Variants in SLCO3A1 observed in about 807,000 individuals in gnomAD.
The protein encoded by SLCO3A1 is PGE1 transporter.
SLCO3A1 carries 27 observed loss-of-function variants against 63.1 expected under a neutral mutation model. That is an observed-to-expected ratio of 0.43 (90% CI 0.32 to 0.59). The LOEUF (loss-of-function observed/expected upper bound fraction) is 0.59, where lower values mean the gene tolerates loss of function less well. Ranked by LOEUF, SLCO3A1 falls within the 20% of genes least tolerant of loss-of-function variation. SLCO3A1 has a pLI of 0.09. For missense variants in SLCO3A1, 773 were observed against 945.8 expected (o/e 0.82, Z 2.40); for synonymous variants, 473 against 409.9 (o/e 1.15, Z -1.86).
Position 92,164,717 on chromosome 15 carries a change from G to C in SLCO3A1, c.*1582G>C. ...GTGTTAGTCTTGAACTAAGGCCCTT[G>C]TCTGTGTGTTTTGAAGGTGGGTGAA... On this transcript the variant is annotated 3_prime_UTR_variant, in exon 10 of 10. Coordinates refer to ENST00000318445, the MANE Select transcript of SLCO3A1 (RefSeq NM_013272.4). 14 of 985,414 alleles carry C rather than the reference G, an allele frequency of 1.4e-5. No homozygotes were observed. Among genetic ancestry groups the C allele is most frequent in the Non-Finnish European group, 1.7e-5 (14 of 829,928 alleles). The allele number at this position is 985,414 out of a possible 1,614,324, so 61.0% of individuals were successfully genotyped here. A position where few individuals can be genotyped will look rare whatever the true frequency, so the allele number is the denominator to read the frequency against.
chr15:92,161,088 G>C (rs1333289009), intron 9 of SLCO3A1, among the ~76,000 whole-genome samples: 1 of 152,156 alleles, frequency 6.6e-6, no homozygotes, highest in Non-Finnish European at 1.5e-5. Flanking sequence ...CCAGACAGAG[G>C]TATAGAGGCC....
chr15:91,916,187 G>A lies in SLCO3A1; in HGVS notation c.375G>A (p.Leu125=). The stretch of plus-strand genomic sequence containing the variant: ...CGCTGGGCGCGCTGCTGTCGGCGCT[G>A]CCCGAGTTCCTGACCCACCAGTACA... The part of the protein sequence containing the change: ...VMALGALLSA[L]PEFLTHQYKY... Residue 125 remains leucine (L), a synonymous_variant, in exon 2 of 10, where the codon CTG becomes CTA. Transcript: ENST00000318445. This position sits in a 1 kb window ranked among gnomAD's most constrained non-coding sequence, Gnocchi z 6.2. 6.3e-7 allele frequency: 1 copy of A among 1,596,906 alleles called. No homozygotes were observed.
rs959334561 is a variant in SLCO3A1 at position 91,926,007 on chromosome 15, G to C, written c.646+9549G>C. On this transcript the variant is annotated intron_variant, in intron 2 of 9. Transcript: ENST00000318445. ...TGCTTCCCTCTTGAGGTATAACCAAGCATCTTTGAATAGGGATAGAGTCCA... is the reference window on the plus strand; with the variant it reads ...TGCTTCCCTCTTGAGGTATAACCAACCATCTTTGAATAGGGATAGAGTCCA... 3.3e-5 allele frequency among the ~76,000 whole-genome samples: 5 copies of C among 152,198 alleles called. No homozygotes were observed. The South Asian group carries it at 8.3e-4, about 25-fold the overall frequency.
At chr15:91,936,714 T>C (rs1209603482) in intron 2 of SLCO3A1, among the ~76,000 whole-genome samples, 1 of 152,136 alleles carries the variant, frequency 6.6e-6, no homozygotes, top group Non-Finnish European at 1.5e-5. Flanking sequence ...TTCTCCAAGG[T>C]GAAGGCTGAG....
At chr15:91,888,326 T>C (rs374555185) in intron 1 of SLCO3A1, among the ~76,000 whole-genome samples, 2 of 152,328 alleles carry the variant, frequency 1.3e-5, no homozygotes, top group Non-Finnish European at 1.5e-5. Flanking sequence ...GGCTCTCTTA[T>C]TACATCCTGA....
intron 7 of SLCO3A1, among the ~76,000 whole-genome samples, chr15:92,134,268 G>A (rs538996553): frequency 3.3e-5 from 5 of 152,336 alleles, no homozygotes; most frequent in African/African-American, 1.2e-4. Context: ...TGATTTAAAA[G>A]TCTGTACTTA....
chr15:91,966,401 C>T (rs1022775702), intron 2 of SLCO3A1, among the ~76,000 whole-genome samples: 1 of 152,170 alleles, frequency 6.6e-6, no homozygotes, highest in African/African-American at 2.4e-5. Context: ...GGCCTGTGTA[C>T]AAGTTCCCAC....
Position 91,962,419 on chromosome 15 carries a change from C to T in SLCO3A1, c.646+45961C>T, listed in dbSNP as rs141468898. On this transcript the variant is annotated intron_variant, in intron 2 of 9. Coordinates refer to ENST00000318445, the MANE Select transcript of SLCO3A1 (RefSeq NM_013272.4). Reference sequence around the variant, plus strand: ...ACTTGAACCCAGGAGACAGAGGTTGCGGTGAACTGAGATCGCGCCATTGCA... The same window carrying T: ...ACTTGAACCCAGGAGACAGAGGTTGTGGTGAACTGAGATCGCGCCATTGCA... Among the ~76,000 whole-genome samples, 738 of 131,930 alleles carry T rather than the reference C, an allele frequency of 5.6e-3. 26 individuals carry two copies. The Admixed American group carries it at 0.056, about 10-fold the overall frequency. 86.6% of individuals were successfully genotyped at this position (131,930 alleles called of 152,430 possible).
chr15:92,114,784 C>G (rs1309735841), intron 4 of SLCO3A1, among the ~76,000 whole-genome samples: 1 of 152,070 alleles, frequency 6.6e-6, no homozygotes, highest in Non-Finnish European at 1.5e-5. Context: ...GATTCAAGTC[C>G]CCACAAAATA....
At chr15:91,858,984 G>A (rs117600532) in intron 1 of SLCO3A1, among the ~76,000 whole-genome samples, 1,830 of 152,318 alleles carry the variant, frequency 0.012, 13 homozygotes, top group Middle Eastern at 0.024. Flanking sequence ...TCCAACTCGC[G>A]CAGATTTCAC....
chr15:92,009,663 A>G (rs780633390), intron 2 of SLCO3A1, among the ~76,000 whole-genome samples: 1 of 152,190 alleles, frequency 6.6e-6, no homozygotes, highest in Non-Finnish European at 1.5e-5. Context: ...GAATGACAGT[A>G]CCCACATCCT....
chr15:91,898,629 ATCT>A (rs953625955), intron 1 of SLCO3A1, among the ~76,000 whole-genome samples: 1 of 151,852 alleles, frequency 6.6e-6, no homozygotes, highest in Non-Finnish European at 1.5e-5. Context: ...GTGGGTTGAC[ATCT>A]TCTTCTTCCC....
At chr15:92,095,426 G>A (rs550404054) in intron 3 of SLCO3A1, among the ~76,000 whole-genome samples, 5 of 152,314 alleles carry the variant, frequency 3.3e-5, no homozygotes, top group African/African-American at 4.8e-5. Context: ...GTGTACAAAC[G>A]GGGTCAATGA....
intron 4 of SLCO3A1, among the ~76,000 whole-genome samples, chr15:92,118,781 ATC>A (rs2047826409): frequency 6.6e-6 from 1 of 152,072 alleles, no homozygotes; most frequent in Admixed American, 6.5e-5. Flanking sequence ...TCTGTGTTTT[ATC>A]TGTTCTGTTT....
rs1334046174 is a variant in SLCO3A1 at position 91,956,968 on chromosome 15, A to T, written c.646+40510A>T. ...ATGCCTGGCTAATTTATTTATATATATATATATAGTATATATAATATATAG... is the reference window on the plus strand; with the variant it reads ...ATGCCTGGCTAATTTATTTATATATTTATATATAGTATATATAATATATAG... On this transcript the variant is annotated intron_variant, in intron 2 of 9. Transcript: ENST00000318445. Among the ~76,000 whole-genome samples the T allele has an allele frequency of 1.3e-3, 20 of 15,162 alleles. 1 individual carries two copies. The highest frequency in any genetic ancestry group is 4.9e-3 in the South Asian group (2 of 412). 9.9% of individuals were successfully genotyped at this position (15,162 alleles called of 152,430 possible). A position where few individuals can be genotyped will look rare whatever the true frequency, so the allele number is the denominator to read the frequency against.
chr15:91,874,021 T>C (rs144371366), intron 1 of SLCO3A1, among the ~76,000 whole-genome samples: 1 of 152,318 alleles, frequency 6.6e-6, no homozygotes, highest in African/African-American at 2.4e-5. Flanking sequence ...TTGGGGGATA[T>C]GTTCCAAGAC....
chr15:92,028,474 G>C (rs2046603824), intron 2 of SLCO3A1, among the ~76,000 whole-genome samples: 1 of 152,142 alleles, frequency 6.6e-6, no homozygotes, highest in African/African-American at 2.4e-5. Context: ...GACAGCACTA[G>C]ACAGCCAGTG....
At position 92,164,827 on chromosome 15, in the gene SLCO3A1, C is replaced by G. The variant is rs2048479800; in HGVS notation, c.*1692C>G. 1.0e-6 allele frequency: 1 copy of G among 985,262 alleles called. No individual in the cohort carries two copies. The highest frequency in any genetic ancestry group is 1.2e-6 in the Non-Finnish European group (1 of 829,942). The allele number at this position is 985,262 out of a possible 1,614,324, so 61.0% of individuals were successfully genotyped here. A position where few individuals can be genotyped will look rare whatever the true frequency, so the allele number is the denominator to read the frequency against. ...ACCAGCACACTAGGCCTTCTACGGC[C>G]ATTTCTGTAAGGGGACAGAGCTTAG... On this transcript the variant is annotated 3_prime_UTR_variant, in exon 10 of 10. Transcript: ENST00000318445.
rs747334812 is a variant in SLCO3A1 at position 92,147,000 on chromosome 15, C to T, written c.1529C>T (p.Ala510Val). The T allele has an allele frequency of 3.1e-6, 5 of 1,612,542 alleles. No individual in the cohort carries two copies. The highest frequency in any genetic ancestry group is 1.7e-5 in the Admixed American group (1 of 59,884). ...CCCTTTCAGAATCTCACGGGCTGTG[C>T]GTGCCTCACCACCGTCCCTGCTGAG... ...GCNSTNLTGC[A>V]CLTTVPAENA... Residue 510 changes from alanine to valine, a missense_variant, in exon 8 of 10, where the codon GCG (alanine) becomes GTG (valine). Ala to Val is a moderately conservative substitution (Grantham distance 64, BLOSUM62 0). Coordinates refer to ENST00000318445, the MANE Select transcript of SLCO3A1 (RefSeq NM_013272.4).
Sources: allele counts gnomAD v4.1 joint callset (sites outside exome capture counted in the v4.1 genomes callset), GRCh38; gene constraint gnomAD v4.1.1; non-coding constraint Gnocchi (gnomAD v3.1); transcripts MANE v1.5; gene names NCBI Gene and HGNC (gene_info 2026-07-23, HGNC 2026-07-21).